The following MAP2K1 variants were observed in gnomAD, a reference collection of about 807,000 sequenced individuals.
MAP2K1 encodes the protein mitogen-activated protein kinase kinase 1, also known as dual specificity mitogen-activated protein kinase kinase 1.
A neutral mutation model predicts 46.3 loss-of-function variants in MAP2K1; 16 were observed. The observed-to-expected ratio is 0.35, with a 90% CI of 0.23 to 0.52. The LOEUF is 0.52. Ranked by LOEUF, MAP2K1 falls within the 20% of genes least tolerant of loss-of-function variation. The pLI is 0.94. For missense variants in MAP2K1, 263 were observed against 497.1 expected (o/e 0.53, Z 4.48); for synonymous variants, 183 against 185.6 (o/e 0.99, Z 0.11).
intron 5 of MAP2K1, among the ~76,000 whole-genome samples, chr15:66,463,263 A>G (rs1370348851): frequency 6.6e-6 from 1 of 152,250 alleles, no homozygotes; most frequent in Non-Finnish European, 1.5e-5. Flanking sequence ...AAGAGAGAAG[A>G]TATCTCGATT....
rs1457318628 is a variant in MAP2K1, at chr15:66,489,953, C to A, written c.1068+190C>A. 8 of 662,526 alleles carry A rather than the reference C, an allele frequency of 1.2e-5. No homozygotes were observed. The African/African-American group carries it at 1.3e-4, about 10-fold the overall frequency. 41.0% of individuals were successfully genotyped at this position (662,526 alleles called of 1,614,324 possible). A position where few individuals can be genotyped will look rare whatever the true frequency, so the allele number is the denominator to read the frequency against. The stretch of plus-strand genomic sequence containing the variant: ...TCAGTTTAAGGGAAAGCTGGGGTGA[C>A]CCCCGCAGCCTGAGTAAGCATATGC... On this transcript the variant is annotated intron_variant, in intron 10 of 10. Coordinates refer to ENST00000307102, the MANE Select transcript of MAP2K1 (RefSeq NM_002755.4).
At chr15:66,489,434 G>A (rs1430092620) in intron 9 of MAP2K1, 158 bp downstream of exon 9, 2 of 750,866 alleles carry the variant, frequency 2.7e-6, no homozygotes, top group African/African-American at 3.5e-5. Context: ...CTTTTTTAGA[G>A]TGCCAAGACT....
At chr15:66,425,851 TA>T (rs764144970) in intron 1 of MAP2K1, among the ~76,000 whole-genome samples, 4 of 152,226 alleles carry the variant, frequency 2.6e-5, no homozygotes, top group Admixed American at 6.5e-5. Flanking sequence ...AGGGGAATCC[TA>T]AAGTAAGGTG....
chr15:66,454,455 C>T (rs559232759), intron 5 of MAP2K1, among the ~76,000 whole-genome samples: 1 of 152,306 alleles, frequency 6.6e-6, no homozygotes, highest in African/African-American at 2.4e-5. Context: ...ACATACAAAG[C>T]ACTTAGAATA....
At chr15:66,488,438 C>T (rs1893124606) in intron 8 of MAP2K1, among the ~76,000 whole-genome samples, 1 of 152,138 alleles carries the variant, frequency 6.6e-6, no homozygotes, top group Non-Finnish European at 1.5e-5. Flanking sequence ...TACATCAGAG[C>T]AGTGACATCA....
At chr15:66,389,606 G>A (rs12324784) in intron 1 of MAP2K1, among the ~76,000 whole-genome samples, 4 of 115,354 alleles carry the variant, frequency 3.5e-5, no homozygotes, top group Non-Finnish European at 6.6e-5. Context: ...TGACAGTCTC[G>A]CTCTGTTGCC....
chr15:66,458,033 A>C (rs1892216759), intron 5 of MAP2K1, among the ~76,000 whole-genome samples: 1 of 152,178 alleles, frequency 6.6e-6, no homozygotes, highest in African/African-American at 2.4e-5. Context: ...TTCTCAAGGA[A>C]AACATGATAA....
intron 6 of MAP2K1, among the ~76,000 whole-genome samples, chr15:66,482,813 A>T (rs1892944758): frequency 6.6e-6 from 1 of 152,198 alleles, no homozygotes. Flanking sequence ...AGTCTGGGCC[A>T]GTGCTGAAGT....
chr15:66,423,504 A>G (rs934017522), intron 1 of MAP2K1, among the ~76,000 whole-genome samples: 1 of 150,474 alleles, frequency 6.6e-6, no homozygotes, highest in African/African-American at 2.4e-5. Flanking sequence ...CAGTGGTGCA[A>G]TCTTGGTTCA....
At chr15:66,434,242 T>G (rs1239606761) in intron 1 of MAP2K1, among the ~76,000 whole-genome samples, 2 of 152,026 alleles carry the variant, frequency 1.3e-5, no homozygotes, top group African/African-American at 4.8e-5. Flanking sequence ...TTGGGGGAAA[T>G]CATAAAACTC....
chr15:66,400,591 T>TTGTGTTTTTACTTCATGTCC (rs1555413189), intron 1 of MAP2K1, among the ~76,000 whole-genome samples: 4 of 152,138 alleles, frequency 2.6e-5, no homozygotes, highest in Non-Finnish European at 5.9e-5. Flanking sequence ...TGCAACTTGA[T>TTGTGTTTTTACTTCATGTCC]TGTGTTTTTA....
At chr15:66,489,661 A>G in intron 9 of MAP2K1, 57 bp from the exon 10 acceptor site, 1 of 1,321,262 alleles carries the variant, frequency 7.6e-7, no homozygotes. Flanking sequence ...CAAACATGTT[A>G]TTTGAGCTAG....
At chr15:66,445,266 C>T (rs1469550123) in intron 5 of MAP2K1, among the ~76,000 whole-genome samples, 1 of 152,020 alleles carries the variant, frequency 6.6e-6, no homozygotes, top group African/African-American at 2.4e-5. Flanking sequence ...GTGGCGAGCA[C>T]CTGTAATCCC....
chr15:66,434,974 T>G (rs2093483768), intron 1 of MAP2K1, 53 bp from the exon 2 acceptor site: 1 of 1,158,014 alleles, frequency 8.6e-7, no homozygotes, highest in African/African-American at 1.5e-5. Context: ...AGTACTTCTT[T>G]GGGTTGACTT....
chr15:66,488,835 G>A lies in MAP2K1; in HGVS notation c.961-380G>A, dbSNP rs375492334. ...GTTACGTTCCCATGCCGCACTCCAA[G>A]ATTTACCATTGTAGAGTGTCAGAGC... On this transcript the variant is annotated intron_variant, in intron 8 of 10. Transcript: ENST00000307102. 5.2e-5 allele frequency: 15 copies of A among 289,698 alleles called. 1 individual carries two copies. The East Asian group carries it at 5.8e-4, about 11-fold the overall frequency. 17.9% of individuals were successfully genotyped at this position (289,698 alleles called of 1,614,324 possible).
intron 5 of MAP2K1, among the ~76,000 whole-genome samples, chr15:66,445,527 T>C (rs1452537596): frequency 6.6e-6 from 1 of 152,224 alleles, no homozygotes; most frequent in Non-Finnish European, 1.5e-5. Context: ...ATAACATGCA[T>C]CCACACAAAT....
At chr15:66,443,607 G>C (rs1017228163) in intron 4 of MAP2K1, among the ~76,000 whole-genome samples, 1 of 151,972 alleles carries the variant, frequency 6.6e-6, no homozygotes, top group Admixed American at 6.6e-5. Flanking sequence ...ACAGTGGCTC[G>C]CACCTGTAAT....
intron 1 of MAP2K1, among the ~76,000 whole-genome samples, chr15:66,418,945 C>CT (rs753511565): frequency 0.062 from 5,489 of 88,816 alleles, 365 homozygotes; most frequent in African/African-American, 0.2. Context: ...TGTGCCCGGC[C>CT]TTTTTTTTTT....
intron 1 of MAP2K1, among the ~76,000 whole-genome samples, chr15:66,389,055 C>T (rs1017535823): frequency 3.3e-5 from 5 of 151,574 alleles, no homozygotes; most frequent in East Asian, 1.9e-4. Flanking sequence ...TACAGGCATG[C>T]GCCACCATGC....
Sources: allele counts gnomAD v4.1 joint callset (sites outside exome capture counted in the v4.1 genomes callset), GRCh38; gene constraint gnomAD v4.1.1; transcripts MANE v1.5; gene names NCBI Gene and HGNC (gene_info 2026-07-23, HGNC 2026-07-21).